Variants in GNA14 observed in about 807,000 individuals in gnomAD.
The protein encoded by GNA14 is guanine nucleotide-binding protein subunit alpha-14.
A neutral mutation model predicts 42.0 loss-of-function variants in GNA14; 50 were observed. The ratio of observed to expected loss-of-function variants is 1.19; its 90% confidence interval spans 0.95 to 1.51. The LOEUF is 1.51. Among genes scored for constraint, GNA14 ranks in the 40% most tolerant of loss-of-function variants. The pLI is 0.00. For missense variants in GNA14, 473 were observed against 446.2 expected, an observed-to-expected ratio of 1.06 and a Z score of -0.54; for synonymous variants, 173 against 163.1, an observed-to-expected ratio of 1.06 and a Z score of -0.46.
intron 4 of GNA14, among the ~76,000 whole-genome samples, chr9:77,430,625 G>A (rs1405977207): frequency 6.6e-6 from 1 of 152,212 alleles, no homozygotes; most frequent in East Asian, 1.9e-4. Context: ...GGACCCGGAT[G>A]TGGGAGGACT....
intron 1 of GNA14, among the ~76,000 whole-genome samples, chr9:77,589,546 AG>A (rs1470362758): frequency 6.6e-6 from 1 of 152,178 alleles, no homozygotes; most frequent in Non-Finnish European, 1.5e-5. Context: ...CTGTCTTTAC[AG>A]GTACTGTGTT....
intron 1 of GNA14, among the ~76,000 whole-genome samples, chr9:77,607,986 T>C (rs1194766104): frequency 2.0e-5 from 3 of 152,150 alleles, no homozygotes; most frequent in Non-Finnish European, 2.9e-5. Context: ...AGGGGGAACA[T>C]TCAGGCCATA....
intron 1 of GNA14, among the ~76,000 whole-genome samples, chr9:77,561,495 T>G (rs1029864238): frequency 1.3e-5 from 2 of 152,204 alleles, no homozygotes; most frequent in African/African-American, 4.8e-5. Context: ...CAATGTGGTA[T>G]ATACATACAA....
chr9:77,607,375 A>G (rs1384210112), intron 1 of GNA14, among the ~76,000 whole-genome samples: 1 of 152,218 alleles, frequency 6.6e-6, no homozygotes, highest in East Asian at 1.9e-4. Context: ...GTACACAGGA[A>G]GAGAGGCTTG....
At chr9:77,640,711 T>C (rs966000361) in intron 1 of GNA14, among the ~76,000 whole-genome samples, 1 of 151,818 alleles carries the variant, frequency 6.6e-6, no homozygotes, top group African/African-American at 2.4e-5. Context: ...GGACTTGATA[T>C]CTTTGTTTCA....
At chr9:77,639,208 G>T (rs1392096293) in intron 1 of GNA14, among the ~76,000 whole-genome samples, 7 of 152,184 alleles carry the variant, frequency 4.6e-5, no homozygotes, top group African/African-American at 1.7e-4. Context: ...GTAGGAGGCA[G>T]CAGCCCACCC....
At chr9:77,463,107 G>C (rs371382873) in intron 2 of GNA14, among the ~76,000 whole-genome samples, 1 of 152,142 alleles carries the variant, frequency 6.6e-6, no homozygotes, top group African/African-American at 2.4e-5. Context: ...CTGCGAATGC[G>C]AAGGGCACCA....
intron 1 of GNA14, among the ~76,000 whole-genome samples, chr9:77,630,232 T>C (rs2118002863): frequency 6.6e-6 from 1 of 151,830 alleles, no homozygotes; most frequent in East Asian, 2.0e-4. Context: ...ATCCTCCCAC[T>C]TCAGCCTCCC....
chr9:77,590,800 A>C (rs151238447), intron 1 of GNA14, among the ~76,000 whole-genome samples: 127 of 152,244 alleles, frequency 8.3e-4, no homozygotes, highest in Non-Finnish European at 1.6e-3. Context: ...ATTTTCAGAG[A>C]ATTAAGAAAT....
In GNA14 at chr9:77,479,402, A is replaced by G. The variant is rs1327356340; in HGVS notation, c.310-44880T>C. Among the ~76,000 whole-genome samples, 5 of 152,254 alleles carry G rather than the reference A, an allele frequency of 3.3e-5. No individual in the cohort carries two copies. In the South Asian group the frequency reaches 6.2e-4, roughly 19 times the overall value. Reference sequence around the variant, plus strand: ...TCTATATCTCTGTTTTGGTACCAGTACCATGCTGTTTTGGTTACTGTAGCC... The same window carrying G: ...TCTATATCTCTGTTTTGGTACCAGTGCCATGCTGTTTTGGTTACTGTAGCC... On this transcript the variant is annotated intron_variant, in intron 2 of 6. Transcript: ENST00000341700.
intron 2 of GNA14, among the ~76,000 whole-genome samples, chr9:77,452,567 T>TGTG (rs1835923275): frequency 3.8e-3 from 25 of 6,568 alleles, no homozygotes; most frequent in East Asian, 5.1e-3. Flanking sequence ...TGTGTGTGTG[T>TGTG]GTGTATGTGC....
intron 2 of GNA14, among the ~76,000 whole-genome samples, chr9:77,520,953 G>C (rs1302796378): frequency 1.3e-5 from 2 of 152,268 alleles, no homozygotes; most frequent in East Asian, 3.9e-4. Context: ...AGGCTTAAAG[G>C]GTAGTGGGTG....
At chr9:77,476,356 G>C (rs1587785657) in intron 2 of GNA14, among the ~76,000 whole-genome samples, 1 of 152,274 alleles carries the variant, frequency 6.6e-6, no homozygotes. Flanking sequence ...GGCGCCCTGA[G>C]AGCAGGAAAT....
intron 1 of GNA14, among the ~76,000 whole-genome samples, chr9:77,596,114 C>T (rs1377127465): frequency 6.6e-6 from 1 of 151,986 alleles, no homozygotes; most frequent in Admixed American, 6.6e-5. Flanking sequence ...AAAATAAAGG[C>T]CACTTCATAT....
chr9:77,544,362 T>G (rs774507178), intron 1 of GNA14, among the ~76,000 whole-genome samples: 10 of 152,054 alleles, frequency 6.6e-5, no homozygotes, highest in Non-Finnish European at 1.5e-4. Flanking sequence ...GGCTTGTAGA[T>G]AAAATATTAG....
chr9:77,519,379 C>G (rs1223287391), intron 2 of GNA14, among the ~76,000 whole-genome samples: 1 of 151,982 alleles, frequency 6.6e-6, no homozygotes, highest in Non-Finnish European at 1.5e-5. Flanking sequence ...CCACTACACT[C>G]CAGCCTGGGT....
chr9:77,537,845 C>G (rs1470246266), intron 1 of GNA14, among the ~76,000 whole-genome samples: 3 of 152,142 alleles, frequency 2.0e-5, no homozygotes, highest in Admixed American at 6.5e-5. Flanking sequence ...AACATTTTTT[C>G]ACATACCTGT....
At chr9:77,626,443 G>A (rs547114414) in intron 1 of GNA14, among the ~76,000 whole-genome samples, 10 of 152,028 alleles carry the variant, frequency 6.6e-5, no homozygotes, top group Admixed American at 3.9e-4. Flanking sequence ...CATTCTTCTC[G>A]GCACCACATT....
At chr9:77,443,654 C>G (rs1835770169) in intron 2 of GNA14, among the ~76,000 whole-genome samples, 1 of 152,144 alleles carries the variant, frequency 6.6e-6, no homozygotes, top group South Asian at 2.1e-4. Flanking sequence ...GCATGAGGGG[C>G]CAAGTTCGTT....
Sources: allele counts gnomAD v4.1 joint callset (sites outside exome capture counted in the v4.1 genomes callset), GRCh38; gene constraint gnomAD v4.1.1; transcripts MANE v1.5; gene names NCBI Gene and HGNC (gene_info 2026-07-23, HGNC 2026-07-21).